NRXN3: variants seen among roughly 807,000 people sequenced by gnomAD.
NRXN3 encodes the protein neurexin III.
In NRXN3, 32 loss-of-function variants were observed where a neutral mutation model predicts 137.6. That is an observed-to-expected ratio of 0.23 (90% CI 0.18 to 0.31). The LOEUF (loss-of-function observed/expected upper bound fraction) is 0.31. NRXN3 is among the 10% of genes least tolerant of loss of function. The pLI, the probability that NRXN3 is intolerant of heterozygous loss-of-function variation, is 1.00. For synonymous variants in NRXN3, 798 were observed against 784.5 expected, an observed-to-expected ratio of 1.02 and a Z score of -0.29; for missense variants, 1,574 against 2,062.5, an observed-to-expected ratio of 0.76 and a Z score of 4.59.
At chr14:79,558,671 AG>A (rs1413334631) in intron 16 of NRXN3, among the ~76,000 whole-genome samples, 1 of 151,978 alleles carries the variant, frequency 6.6e-6, no homozygotes, top group Non-Finnish European at 1.5e-5. Context: ...GAACACAGGC[AG>A]AGTAAATTTA....
intron 10 of NRXN3, among the ~76,000 whole-genome samples, chr14:78,891,178 A>G (rs1414427473): frequency 6.6e-6 from 1 of 151,886 alleles, no homozygotes; most frequent in Non-Finnish European, 1.5e-5. Flanking sequence ...TATTGATACA[A>G]TAGTGCACCA....
At chr14:79,815,583 G>A (rs139445156) in intron 20 of NRXN3, among the ~76,000 whole-genome samples, 38 of 152,246 alleles carry the variant, frequency 2.5e-4, no homozygotes, top group East Asian at 1.2e-3. Flanking sequence ...GAAAGAGGAG[G>A]AGGGAAATGT....
intron 3 of NRXN3, among the ~76,000 whole-genome samples, chr14:78,286,326 C>T (rs529488663): frequency 1.3e-5 from 2 of 152,268 alleles, no homozygotes; most frequent in South Asian, 2.1e-4. Context: ...TTGTGCTGCT[C>T]AAAATGTCAT....
intron 6 of NRXN3, among the ~76,000 whole-genome samples, chr14:78,683,718 G>A (rs2098099311): frequency 6.6e-6 from 1 of 152,158 alleles, no homozygotes; most frequent in Non-Finnish European, 1.5e-5. Flanking sequence ...CCAAGTTGTT[G>A]AGAATTTTGT....
intron 10 of NRXN3, among the ~76,000 whole-genome samples, chr14:78,843,303 C>T (rs1228001461): frequency 6.6e-6 from 1 of 152,104 alleles, no homozygotes; most frequent in Non-Finnish European, 1.5e-5. Flanking sequence ...AACAATTTAT[C>T]ATCTGTTTGG....
intron 10 of NRXN3, among the ~76,000 whole-genome samples, chr14:78,886,047 C>G (rs1162477402): frequency 6.6e-6 from 1 of 152,172 alleles, no homozygotes; most frequent in East Asian, 1.9e-4. Context: ...TGACAAGCAT[C>G]ACTTTTGGTC....
chr14:78,249,871 C>T (rs1431911584), intron 2 of NRXN3, among the ~76,000 whole-genome samples: 2 of 151,978 alleles, frequency 1.3e-5, no homozygotes, highest in African/African-American at 4.8e-5. Flanking sequence ...AGTATGGCTG[C>T]TGGAGGGAAA....
chr14:79,681,956 C>T (rs1044362092), intron 17 of NRXN3, among the ~76,000 whole-genome samples: 2 of 151,980 alleles, frequency 1.3e-5, no homozygotes, highest in Non-Finnish European at 2.9e-5. Context: ...ATATCCCAAG[C>T]CTTACATTTT....
chr14:79,465,977 A>G (rs189711879), intron 15 of NRXN3, among the ~76,000 whole-genome samples: 1 of 152,374 alleles, frequency 6.6e-6, no homozygotes, highest in East Asian at 1.9e-4. Flanking sequence ...TGTACTTTTT[A>G]TAATTTCTGA....
Position 79,003,301 on chromosome 14 carries a change from C to T in NRXN3, c.3262+15160C>T, listed in dbSNP as rs147319470. Reference sequence around the variant, plus strand: ...TCATTGTAAGACTTAGGGAACAATGCTGCAATTTTTGCAGCCTCTGTAATG... The same window carrying T: ...TCATTGTAAGACTTAGGGAACAATGTTGCAATTTTTGCAGCCTCTGTAATG... On this transcript the variant is annotated intron_variant, in intron 15 of 20. Coordinates refer to ENST00000335750, the MANE Select transcript of NRXN3 (RefSeq NM_001330195.2). Among the ~76,000 whole-genome samples the T allele has an allele frequency of 7.1e-3, 1,077 of 152,280 alleles. 16 individuals are homozygous for T. The highest frequency in any genetic ancestry group is 0.023 in the African/African-American group (959 of 41,558).
chr14:78,303,777 G>T (rs1467963783), intron 4 of NRXN3, among the ~76,000 whole-genome samples: 1 of 152,036 alleles, frequency 6.6e-6, no homozygotes, highest in East Asian at 1.9e-4. Context: ...GAAGATCCAA[G>T]CCTCCTAAGT....
At chr14:79,764,718 G>A (rs1159036997) in intron 19 of NRXN3, among the ~76,000 whole-genome samples, 1 of 151,994 alleles carries the variant, frequency 6.6e-6, no homozygotes, top group Non-Finnish European at 1.5e-5. Flanking sequence ...AAATCTGACT[G>A]GCAGGCTGAT....
chr14:79,257,290 G>T (rs2076705515), intron 15 of NRXN3, among the ~76,000 whole-genome samples: 1 of 137,708 alleles, frequency 7.3e-6, no homozygotes, highest in South Asian at 2.5e-4. Flanking sequence ...CCAGATGTCA[G>T]CTATTTAAAG....
In NRXN3 at chr14:79,438,737, G is replaced by A. The variant is rs756347447; in HGVS notation, c.3263-28484G>A. ...ATGTGAAATAAAAACTGGAATTTGA[G>A]TTCAGAGTACCTGAAAGAGCATTTT... On this transcript the variant is annotated intron_variant, in intron 15 of 20. Transcript: ENST00000335750. Among the ~76,000 whole-genome samples, 41 of 152,236 alleles carry A rather than the reference G, an allele frequency of 2.7e-4. 1 individual carries two copies. Among genetic ancestry groups the A allele is most frequent in the Non-Finnish European group, 5.6e-4 (38 of 68,044 alleles).
intron 15 of NRXN3, among the ~76,000 whole-genome samples, chr14:79,198,028 C>A (rs1431449619): frequency 6.6e-6 from 1 of 152,182 alleles, no homozygotes; most frequent in Non-Finnish European, 1.5e-5. Flanking sequence ...AGCTCCTCAT[C>A]TGTTTAAGTT....
intron 16 of NRXN3, among the ~76,000 whole-genome samples, chr14:79,660,831 G>T (rs1450057218): frequency 6.6e-6 from 1 of 152,118 alleles, no homozygotes; most frequent in Non-Finnish European, 1.5e-5. Flanking sequence ...GCCCTCATTT[G>T]TGGGGTGGGC....
At chr14:79,794,428 C>T (rs1327084718) in intron 19 of NRXN3, among the ~76,000 whole-genome samples, 1 of 151,974 alleles carries the variant, frequency 6.6e-6, no homozygotes, top group African/African-American at 2.4e-5. Context: ...TCCGGGTTGC[C>T]CTATCTTTCC....
intron 4 of NRXN3, among the ~76,000 whole-genome samples, chr14:78,564,287 G>A (rs968770907): frequency 5.9e-5 from 9 of 152,022 alleles, no homozygotes; most frequent in African/African-American, 1.7e-4. Flanking sequence ...TCCTATTCCC[G>A]CCTCAGTGTG....
chr14:78,289,681 C>T (rs1027117130), intron 3 of NRXN3, among the ~76,000 whole-genome samples: 20 of 151,894 alleles, frequency 1.3e-4, no homozygotes, highest in African/African-American at 3.9e-4. Context: ...TTTGGGAGGC[C>T]GAGGTGGGCA....
Sources: gnomAD v4.1 joint callset for allele counts (sites outside exome capture counted in the v4.1 genomes callset) on GRCh38, gnomAD v4.1.1 for gene constraint, MANE v1.5 for transcripts, NCBI Gene and HGNC (gene_info 2026-07-23, HGNC 2026-07-21) for gene names.